The following TYK2 variants were observed in gnomAD, a reference collection of about 807,000 sequenced individuals.
The protein encoded by TYK2 is non-receptor tyrosine-protein kinase TYK2.
Under a neutral mutation model 130.9 loss-of-function variants are expected in TYK2, and 65 were observed. That is an observed-to-expected ratio of 0.50 (90% confidence interval 0.41 to 0.61). The LOEUF (loss-of-function observed/expected upper bound fraction) is 0.61. Ranked by LOEUF, TYK2 falls within the 20% of genes least tolerant of loss-of-function variation. The pLI is 0.00. For synonymous variants in TYK2, 647 were observed against 658.9 expected, an observed-to-expected ratio of 0.98 and a Z score of 0.28; for missense variants, 1,378 against 1,610.7, an observed-to-expected ratio of 0.86 and a Z score of 2.47.
chr19:10,362,632 G>A lies in TYK2; in HGVS notation c.1393C>T (p.Arg465Trp), dbSNP rs371207387. ...ATGAGGTACAGGCCGTCCTCGGGCCGCAGCTTGGCCTGCACAAATGGCTCC... is the reference window on the plus strand; with the variant it reads ...ATGAGGTACAGGCCGTCCTCGGGCCACAGCTTGGCCTGCACAAATGGCTCC... ...LLEPFVQAKLRPEDGLYLIHW... is the reference protein window; with the variant it reads ...LLEPFVQAKLWPEDGLYLIHW... The change falls in exon 10 of 25, where the codon CGG (arginine) becomes TGG (tryptophan). Residue 465 changes from arginine (R) to tryptophan (W), a missense_variant. Transcript: ENST00000525621. 35 of 1,551,718 alleles carry A rather than the reference G, an allele frequency of 2.3e-5. No individual in the cohort carries two copies. The South Asian group carries it at 2.7e-4, about 12-fold the overall frequency.
Position 10,353,695 on chromosome 19 carries a change from G to A in TYK2, c.2909-49C>T, listed in dbSNP as rs1030646152. On this transcript the variant is annotated intron_variant, in intron 20 of 24. Coordinates refer to ENST00000525621, the MANE Select transcript of TYK2 (RefSeq NM_003331.5). The surrounding 1 kb of genome is among the most constrained non-coding windows in gnomAD (Gnocchi z 6.9). The stretch of plus-strand genomic sequence containing the variant: ...GGTGGGGGACGATAGAGGGCGGGCC[G>A]GGGACCGCCTACCTTGAGCCCAGCA... The A allele has an allele frequency of 4.4e-6, 6 of 1,356,420 alleles. No homozygotes were observed. Among genetic ancestry groups the A allele is most frequent in the Admixed American group, 5.3e-5 (2 of 37,646 alleles). 84.0% of individuals were successfully genotyped at this position (1,356,420 alleles called of 1,614,324 possible). A position where few individuals can be genotyped will look rare whatever the true frequency, so the allele number is the denominator to read the frequency against.
In TYK2 at chr19:10,354,165, C is replaced by T; in HGVS notation, c.2785G>A (p.Val929Met). The T allele has an allele frequency of 1.2e-6, 2 of 1,613,938 alleles. No individual in the cohort carries two copies. The highest frequency in any genetic ancestry group is 8.5e-7 in the Non-Finnish European group (1 of 1,180,008). The change falls in exon 20 of 25, where the codon GTG (valine) becomes ATG (methionine). Residue 929 changes from valine to methionine, a missense_variant. Physicochemically the swap from Val to Met is conservative, Grantham distance 21. Coordinates refer to ENST00000525621, the MANE Select transcript of TYK2 (RefSeq NM_003331.5). ...CCGCAGTCTGCCTTGAGGGCTTTCA[C>T]CGCCACCATCTCGCCAGTGCCGTCG... ...TNDGTGEMVA[V>M]KALKADCGPQ...
At chr19:10,359,082 G>A (rs1247024059) in intron 15 of TYK2, 93 bp downstream of exon 15, 6 of 1,486,140 alleles carry the variant, frequency 4.0e-6, no homozygotes, top group Non-Finnish European at 5.5e-6. Context: ...AAACAAAAAA[G>A]ATGGGGTCTC....
In TYK2 at chr19:10,361,338, G is replaced by A. The variant is rs1260712945; in HGVS notation, c.2047+173C>T. ...AAGTTATGGGCTGGAATATCGTTAG[G>A]GGTTGGGGTCTAGGTTGAAGGTCAA... On this transcript the variant is annotated intron_variant, in intron 14 of 24. Transcript: ENST00000525621. This position sits in a 1 kb window ranked among gnomAD's most constrained non-coding sequence, Gnocchi z 4.0. The A allele has an allele frequency of 4.4e-6, 3 of 680,962 alleles. No homozygotes were observed. Among genetic ancestry groups the A allele is most frequent in the Non-Finnish European group, 7.8e-6 (3 of 383,450 alleles). 42.2% of individuals were successfully genotyped at this position (680,962 alleles called of 1,614,324 possible).
rs759322708 is a variant in TYK2 at position 10,354,119 on chromosome 19, C to A, written c.2831G>T (p.Trp944Leu). ...GCGCAGAATGTCAATCTCCTGCTTC[C>A]AGCCCGAGCGGTGCTGGGGGCCGCA... ...ADCGPQHRSGWKQEIDILRTL... is the reference protein window; with the variant it reads ...ADCGPQHRSGLKQEIDILRTL... The change falls in exon 20 of 25, where the codon TGG (tryptophan) becomes TTG (leucine). Residue 944 changes from tryptophan to leucine, a missense_variant. Trp to Leu is a moderately conservative substitution (Grantham distance 61). Coordinates refer to ENST00000525621, the MANE Select transcript of TYK2 (RefSeq NM_003331.5). 8 of 1,614,004 alleles carry A rather than the reference C, an allele frequency of 5.0e-6. No homozygotes were observed. Among genetic ancestry groups the A allele is most frequent in the Non-Finnish European group, 6.8e-6 (8 of 1,180,044 alleles).
chr19:10,353,816 G>C lies in TYK2; in HGVS notation c.2909-170C>G, dbSNP rs1048301147. The C allele has an allele frequency of 2.9e-6, 2 of 681,222 alleles. No homozygotes were observed. The highest frequency in any genetic ancestry group is 4.9e-6 in the Non-Finnish European group (2 of 405,866). The allele number at this position is 681,222 out of a possible 1,614,324, so 42.2% of individuals were successfully genotyped here. A position where few individuals can be genotyped will look rare whatever the true frequency, so the allele number is the denominator to read the frequency against. Reference sequence around the variant, plus strand: ...CCCATCCAGAACCCCATTCTCACTTGAGGGAGCTGCTGGTGGCTCCCGTCC... The same window carrying C: ...CCCATCCAGAACCCCATTCTCACTTCAGGGAGCTGCTGGTGGCTCCCGTCC... On this transcript the variant is annotated intron_variant, in intron 20 of 24. Coordinates refer to ENST00000525621, the MANE Select transcript of TYK2 (RefSeq NM_003331.5). This position sits in a 1 kb window ranked among gnomAD's most constrained non-coding sequence, Gnocchi z 6.9.
chr19:10,354,472 G>C (rs753963253), intron 19 of TYK2, 40 bp downstream of exon 19: 1 of 1,582,980 alleles, frequency 6.3e-7, no homozygotes, highest in African/African-American at 1.3e-5. Flanking sequence ...ACTCCTTCCC[G>C]ACCAGGCGGG....
At chr19:10,351,858 G>A (rs1050216122) in intron 23 of TYK2, among the ~76,000 whole-genome samples, 1 of 151,758 alleles carries the variant, frequency 6.6e-6, no homozygotes, top group Non-Finnish European at 1.5e-5. Flanking sequence ...CCCTGCCTCA[G>A]CCGCCTGAGT....
intron 23 of TYK2, among the ~76,000 whole-genome samples, chr19:10,352,052 CTTTCT>C (rs1054001221): frequency 7.4e-5 from 11 of 147,832 alleles, no homozygotes; most frequent in African/African-American, 2.8e-4. Context: ...CCTTTCTTTC[CTTTCT>C]TTTCTTTCTC....
At chr19:10,378,456 A>C in intron 2 of TYK2, 30 bp from the exon 3 acceptor site, 1 of 1,580,346 alleles carries the variant, frequency 6.3e-7, no homozygotes, top group Non-Finnish European at 8.6e-7. Context: ...TCAGCTCCCA[A>C]GTCTCAGCCC....
In TYK2 at chr19:10,361,481, AG is replaced by A; in HGVS notation, c.2047+29del. The A allele has an allele frequency of 1.4e-5, 21 of 1,545,392 alleles. No individual in the cohort carries two copies. Among genetic ancestry groups the A allele is most frequent in the Non-Finnish European group, 1.7e-5 (20 of 1,146,326 alleles). ...GTATAAGTCAGGGGTGGCCTGCCAA[AG>A]GGGGATGGGTATGGCGGGACCCACT... On this transcript the variant is annotated intron_variant, in intron 14 of 24. Coordinates refer to ENST00000525621, the MANE Select transcript of TYK2 (RefSeq NM_003331.5). The surrounding 1 kb of genome is among the most constrained non-coding windows in gnomAD (Gnocchi z 4.0).
chr19:10,377,047 A>G (rs1192237300), intron 3 of TYK2, among the ~76,000 whole-genome samples: 1 of 152,048 alleles, frequency 6.6e-6, no homozygotes, highest in Non-Finnish European at 1.5e-5. Flanking sequence ...GACTACAGGC[A>G]TGTACCACCA....
At chr19:10,368,539 T>G in intron 3 of TYK2, 121 bp from the exon 4 acceptor site, 3 of 1,448,316 alleles carry the variant, frequency 2.1e-6, no homozygotes, top group Non-Finnish European at 1.9e-6. Flanking sequence ...CACCTGCAGC[T>G]TCAGTCTCAC....
chr19:10,355,524 C>T (rs569875159), intron 18 of TYK2, among the ~76,000 whole-genome samples: 66 of 151,638 alleles, frequency 4.4e-4, no homozygotes, highest in Admixed American at 1.3e-3. Context: ...CCTGTAATCC[C>T]AGCTACTCGG....
chr19:10,353,519 C>T lies in TYK2; in HGVS notation c.3027+9G>A. ...GCAAGCTCCAGAAGCAGGGGCGGGGCCGACCAACCTCGCAGATCTGCTGGG... is the reference window on the plus strand; with the variant it reads ...GCAAGCTCCAGAAGCAGGGGCGGGGTCGACCAACCTCGCAGATCTGCTGGG... On this transcript the variant is annotated intron_variant, in intron 21 of 24. Transcript: ENST00000525621. This position sits in a 1 kb window ranked among gnomAD's most constrained non-coding sequence, Gnocchi z 6.9. 6.7e-7 allele frequency: 1 copy of T among 1,493,790 alleles called. No homozygotes were observed. Among genetic ancestry groups the T allele is most frequent in the South Asian group, 1.4e-5 (1 of 72,968 alleles). 92.5% of individuals were successfully genotyped at this position (1,493,790 alleles called of 1,614,324 possible).
At chr19:10,376,073 C>A (rs2042111917) in intron 3 of TYK2, among the ~76,000 whole-genome samples, 1 of 148,428 alleles carries the variant, frequency 6.7e-6, no homozygotes, top group Non-Finnish European at 1.5e-5. Context: ...AGTACAATGG[C>A]ACGATCTCAG....
chr19:10,360,667 G>C (rs1234127075), intron 14 of TYK2, among the ~76,000 whole-genome samples: 5 of 151,284 alleles, frequency 3.3e-5, no homozygotes, highest in Non-Finnish European at 7.4e-5. Context: ...AGGGGAAAGT[G>C]GGGGAGATGC....
At chr19:10,379,505 C>CAATAAATAAACAAATAAATA in intron 2 of TYK2, 110 bp downstream of exon 2, 1 of 146,850 alleles carries the variant, frequency 6.8e-6, no homozygotes, top group African/African-American at 2.5e-5. Context: ...TACTAAAATA[C>CAATAAATAAACAAATAAATA]AATAAATAAA....
At chr19:10,363,869 G>A (rs1201935032) in intron 9 of TYK2, among the ~76,000 whole-genome samples, 2 of 152,184 alleles carry the variant, frequency 1.3e-5, no homozygotes, top group Non-Finnish European at 2.9e-5. Flanking sequence ...CTCACAAGGT[G>A]AAATGGCCAC....
Sources: allele counts gnomAD v4.1 joint callset (sites outside exome capture counted in the v4.1 genomes callset), GRCh38; gene constraint gnomAD v4.1.1; non-coding constraint Gnocchi (gnomAD v3.1); transcripts MANE v1.5; gene names NCBI Gene and HGNC (gene_info 2026-07-23, HGNC 2026-07-21).